CLIC5: variants seen among roughly 807,000 people sequenced by gnomAD.
CLIC5 encodes CLIC family member 5.
A neutral mutation model predicts 24.7 loss-of-function variants in CLIC5; 20 were observed. That is an observed-to-expected ratio of 0.81 (90% CI 0.57 to 1.18). The LOEUF (loss-of-function observed/expected upper bound fraction) is 1.18, where lower values mean the gene tolerates loss of function less well. Among genes scored for constraint, CLIC5 ranks in the 50% most tolerant of loss-of-function variants. The probability of loss-of-function intolerance (pLI) is 0.00; values close to 1 mark genes in which losing one functional copy is unlikely to be tolerated. For missense variants in CLIC5, 341 were observed against 326.1 expected, an observed-to-expected ratio of 1.05 and a Z score of -0.35; for synonymous variants, 159 against 135.6, an observed-to-expected ratio of 1.17 and a Z score of -1.20.
At chr6:45,964,719 A>T (rs1764962265) in intron 1 of CLIC5, among the ~76,000 whole-genome samples, 1 of 152,208 alleles carries the variant, frequency 6.6e-6, no homozygotes, top group African/African-American at 2.4e-5. Context: ...ATTGTCCCAA[A>T]TGACATCTAG....
intron 1 of CLIC5, among the ~76,000 whole-genome samples, chr6:46,010,047 A>G (rs1766749372): frequency 6.6e-6 from 1 of 152,118 alleles, no homozygotes; most frequent in South Asian, 2.1e-4. Flanking sequence ...TGCAGCAATG[A>G]GACTCACTGC....
At chr6:46,021,111 C>T (rs1298131944) in intron 1 of CLIC5, among the ~76,000 whole-genome samples, 2 of 142,568 alleles carry the variant, frequency 1.4e-5, no homozygotes, top group Non-Finnish European at 3.1e-5. Context: ...AAAAAAAAAC[C>T]CAGCTAAAAA....
intron 1 of CLIC5, among the ~76,000 whole-genome samples, chr6:46,068,058 G>A (rs1156634267): frequency 6.6e-6 from 1 of 152,156 alleles, no homozygotes; most frequent in African/African-American, 2.4e-5. Context: ...GAGAAGATAA[G>A]GGGAAACAGA....
rs576335407 is a variant in CLIC5, at chr6:45,900,080, A to G, written c.*3008T>C. 1 of 152,278 alleles carries G rather than the reference A, an allele frequency of 6.6e-6. No individual in the cohort carries two copies. Among genetic ancestry groups the G allele is most frequent in the South Asian group, 2.1e-4 (1 of 4,824 alleles). 9.4% of individuals were successfully genotyped at this position (152,278 alleles called of 1,614,324 possible). On this transcript the variant is annotated 3_prime_UTR_variant, in exon 6 of 6. Transcript: ENST00000339561. ...ATCCAGCTTACTTTTTACAGTTATT[A>G]AAATCTTACTCAATACCTTCTCTCT...
intron 5 of CLIC5, among the ~76,000 whole-genome samples, chr6:45,908,654 A>AT (rs933691402): frequency 3.3e-5 from 5 of 151,120 alleles, no homozygotes; most frequent in Admixed American, 6.6e-5. Context: ...TATAATTTCT[A>AT]TTTTTTTTAA....
chr6:46,058,245 AT>A (rs1360065177), intron 1 of CLIC5, among the ~76,000 whole-genome samples: 3 of 152,208 alleles, frequency 2.0e-5, no homozygotes. Context: ...AATTAAAATT[AT>A]TTTTGCTCTT....
At position 45,956,902 on chromosome 6, in the gene CLIC5, G is replaced by T. The variant is rs76966857; in HGVS notation, c.64-1658C>A. ...CGCTACACCTTCCCACGGAGGTAAA[G>T]TTACCAATAAAGCATGCTCAGACAG... is the stretch of plus-strand genomic sequence containing the variant. On this transcript the variant is annotated intron_variant, in intron 1 of 5. Coordinates refer to ENST00000339561, the MANE Select transcript of CLIC5 (RefSeq NM_016929.5). Among the ~76,000 whole-genome samples, 9 of 152,302 alleles carry T rather than the reference G, an allele frequency of 5.9e-5. No homozygotes were observed. In the East Asian group the frequency reaches 1.7e-3, roughly 29 times the overall value.
chr6:46,050,308 G>A (rs1768068650), intron 1 of CLIC5, among the ~76,000 whole-genome samples: 1 of 152,260 alleles, frequency 6.6e-6, no homozygotes, highest in South Asian at 2.1e-4. Flanking sequence ...CCTGCACTCT[G>A]GTTCTGCTTA....
intron 1 of CLIC5, chr6:46,014,730 A>G (rs1766934895): frequency 6.6e-6 from 1 of 152,228 alleles, no homozygotes; most frequent in Non-Finnish European, 1.5e-5. Flanking sequence ...GGTTGCAAAT[A>G]AAGTACAGCA....
intron 5 of CLIC5, among the ~76,000 whole-genome samples, chr6:45,910,061 T>C (rs1240245416): frequency 6.6e-6 from 1 of 152,238 alleles, no homozygotes; most frequent in Non-Finnish European, 1.5e-5. Flanking sequence ...TCTATGCTCC[T>C]AGGCCAGTGT....
At chr6:45,923,540 C>G (rs749426765) in intron 4 of CLIC5, among the ~76,000 whole-genome samples, 3 of 152,226 alleles carry the variant, frequency 2.0e-5, no homozygotes, top group Non-Finnish European at 2.9e-5. Context: ...CCTACAAATT[C>G]TCTTCCAGTT....
In CLIC5 at chr6:45,914,423, G is replaced by A. The variant is rs377096192; in HGVS notation, c.407-14C>T. 5 of 1,550,868 alleles carry A rather than the reference G, an allele frequency of 3.2e-6. No homozygotes were observed. In the African/African-American group the frequency reaches 5.5e-5, roughly 17 times the overall value. ...CTCTTTCAAGAGCTGGCATGAAAGA[G>A]TAAAAGGGCCTTTATTCAAACTTCT... On this transcript the variant is annotated splice_polypyrimidine_tract_variant and intron_variant, in intron 4 of 5. Transcript: ENST00000339561.
the CLIC5 span, among the ~76,000 whole-genome samples, chr6:46,108,032 C>CAAAAAAAAAAAAAAAAAA: frequency 3.0e-5 from 1 of 33,290 alleles, no homozygotes; most frequent in Non-Finnish European, 5.3e-5. Flanking sequence ...AAAACTCCAT[C>CAAAAAAAAAAAAAAAAAA]AAAAAAAAAA....
At chr6:45,965,949 G>GGTTGGT (rs1428679281) in intron 1 of CLIC5, among the ~76,000 whole-genome samples, 1 of 152,290 alleles carries the variant, frequency 6.6e-6, no homozygotes, top group Non-Finnish European at 1.5e-5. Flanking sequence ...CTCCTACAAA[G>GGTTGGT]GTTGGTGTTT....
upstream of CLIC5, among the ~76,000 whole-genome samples, chr6:46,019,567 T>C (rs1052089850): frequency 6.7e-6 from 1 of 150,204 alleles, no homozygotes; most frequent in African/African-American, 2.4e-5. Context: ...GCGCCTGTAG[T>C]CCCAGCTACT....
intron 1 of CLIC5, among the ~76,000 whole-genome samples, chr6:46,001,609 C>G (rs1766362840): frequency 6.6e-6 from 1 of 152,148 alleles, no homozygotes; most frequent in Non-Finnish European, 1.5e-5. Flanking sequence ...CCCACAAGAC[C>G]CAGGGCCTGG....
At chr6:45,884,721 T>C (rs796352696) in intron 6 of CLIC5, among the ~76,000 whole-genome samples, 8 of 152,232 alleles carry the variant, frequency 5.3e-5, no homozygotes, top group African/African-American at 1.9e-4. Flanking sequence ...TCATGGCAGG[T>C]AGACTACTTT....
chr6:46,059,261 C>T (rs1051065543), intron 1 of CLIC5, among the ~76,000 whole-genome samples: 2 of 152,218 alleles, frequency 1.3e-5, no homozygotes, highest in Non-Finnish European at 1.5e-5. Context: ...AGGGTGTAGC[C>T]TGTCTTAGCA....
rs182261780 is a variant in CLIC5 at position 46,006,374 on chromosome 6, G to C, written c.63+9106C>G. Among the ~76,000 whole-genome samples, 1,117 of 151,614 alleles carry C rather than the reference G, an allele frequency of 7.4e-3. 5 individuals carry two copies. The highest frequency in any genetic ancestry group is 0.011 in the Non-Finnish European group (732 of 67,930). ...TTGGCCAGGCTGGTCTCGAACTCTT[G>C]ACCTCATGATCTGCCCACCTCAGCC... On this transcript the variant is annotated intron_variant, in intron 1 of 5. Transcript: ENST00000339561.
Sources: allele counts gnomAD v4.1 joint callset (sites outside exome capture counted in the v4.1 genomes callset), GRCh38; gene constraint gnomAD v4.1.1; transcripts MANE v1.5; gene names NCBI Gene and HGNC (gene_info 2026-07-23, HGNC 2026-07-21).